CFAP65: variants seen among roughly 807,000 people sequenced by gnomAD.
CFAP65 encodes cilia and flagella associated protein 65.
CFAP65 carries 155 observed loss-of-function variants against 208.0 expected under a neutral mutation model. That is an observed-to-expected ratio of 0.75 (90% CI 0.65 to 0.85). The LOEUF (loss-of-function observed/expected upper bound fraction) is 0.85. Ranked by LOEUF, CFAP65 falls within the 40% of genes least tolerant of loss-of-function variation. The pLI, the probability that CFAP65 is intolerant of heterozygous loss-of-function variation, is 0.00. For synonymous variants in CFAP65, 970 were observed against 986.3 expected (o/e 0.98, Z 0.31); for missense variants, 2,294 against 2,451.3 (o/e 0.94, Z 1.36).
At chr2:219,021,967 C>T in intron 17 of CFAP65, 37 bp from the exon 18 acceptor site, 1 of 1,610,040 alleles carries the variant, frequency 6.2e-7, no homozygotes, top group Non-Finnish European at 8.5e-7. Flanking sequence ...AGTGGGAGCT[C>T]CTCCAGGCCC....
chr2:219,017,272 A>G (rs909739811), intron 21 of CFAP65, among the ~76,000 whole-genome samples: 2 of 152,238 alleles, frequency 1.3e-5, no homozygotes, highest in Admixed American at 6.5e-5. Context: ...CCTTAAATGC[A>G]AGACCCTACG....
In CFAP65 at chr2:219,014,011, G is replaced by T. The variant is rs768708215; in HGVS notation, c.3636C>A (p.Asp1212Glu). The T allele has an allele frequency of 4.3e-6, 7 of 1,613,028 alleles. No homozygotes were observed. Among genetic ancestry groups the T allele is most frequent in the Non-Finnish European group, 5.1e-6 (6 of 1,179,476 alleles). ...AFLLPSDQRI[D>E]VELWAEQAEL... ...CTGCTTGCTCTGCCCAGAGCTCCAC[G>T]TCAATCCGCTGGTCACTTGGAAGGA... Residue 1212 changes from aspartate to glutamate, a missense_variant, in exon 22 of 35, where the codon GAC becomes GAA. Asp to Glu is a conservative substitution (Grantham distance 45, BLOSUM62 2). Transcript: ENST00000341552.
chr2:219,023,488 C>T (rs149831839), intron 15 of CFAP65, 57 bp from the exon 16 acceptor site: 3 of 1,277,242 alleles, frequency 2.3e-6, no homozygotes, highest in African/African-American at 3.0e-5. Flanking sequence ...CCCAGCCCCC[C>T]ACAACATGTC....
intron 16 of CFAP65, 45 bp from the exon 17 acceptor site, chr2:219,022,374 T>G (rs1947325117): frequency 6.4e-7 from 1 of 1,562,436 alleles, no homozygotes; most frequent in East Asian, 2.4e-5. Context: ...CGGAAGCCCC[T>G]CCACAGGTAC....
At chr2:219,019,783 C>T in intron 19 of CFAP65, 64 bp from the exon 20 acceptor site, 4 of 1,422,592 alleles carry the variant, frequency 2.8e-6, no homozygotes, top group Non-Finnish European at 2.9e-6. Context: ...AGGGGGCATG[C>T]AGGCCAAAGG....
rs1559114274 is a variant in CFAP65 at position 219,006,179 on chromosome 2, G to A, written c.4764C>T (p.Ala1588=). The A allele has an allele frequency of 1.2e-6, 2 of 1,611,596 alleles. No individual in the cohort carries two copies. Among genetic ancestry groups the A allele is most frequent in the Non-Finnish European group, 1.7e-6 (2 of 1,178,204 alleles). The change falls in exon 31 of 35, where the codon GCC becomes GCT. Residue 1588 remains alanine, a synonymous_variant. Coordinates refer to ENST00000341552, the MANE Select transcript of CFAP65 (RefSeq NM_194302.4). ...IKNQQSVSRP[A]SWKLQTPKEE... ...CCTTTGGGGTCTGCAGTTTCCAGCTGGCAGGCCGGCTGACAGACTGCTGGT... is the reference window on the plus strand; with the variant it reads ...CCTTTGGGGTCTGCAGTTTCCAGCTAGCAGGCCGGCTGACAGACTGCTGGT...
Position 219,027,868 on chromosome 2 carries a change from C to G in CFAP65, c.1993G>C (p.Gly665Arg). 1 of 1,569,688 alleles carries G rather than the reference C, an allele frequency of 6.4e-7. No individual in the cohort carries two copies. Among genetic ancestry groups the G allele is most frequent in the African/African-American group, 1.4e-5 (1 of 74,064 alleles). The change falls in exon 13 of 35, where the codon GGG (glycine) becomes CGG (arginine). Residue 665 changes from glycine (G) to arginine (R), a missense_variant. Transcript: ENST00000341552. ...PVEVDFGACPGPEAPNPVPLC... is the reference protein window; with the variant it reads ...PVEVDFGACPRPEAPNPVPLC... ...GGTACAGGGTTGGGGGCCTCAGGCC[C>G]TGGGCAGGCACCGAAGTCTACCTCG...
chr2:219,041,438 G>T, intron 1 of CFAP65, 50 bp downstream of exon 1: 1 of 1,547,162 alleles, frequency 6.5e-7, no homozygotes, highest in East Asian at 2.4e-5. Flanking sequence ...CTGGCCACTC[G>T]CGCCGCTCCC....
At chr2:219,013,208 G>C (rs1946602431) in intron 24 of CFAP65, 51 bp downstream of exon 24, 2 of 1,235,108 alleles carry the variant, frequency 1.6e-6, no homozygotes, top group South Asian at 2.5e-5. Context: ...CTCATACCTA[G>C]AGATCAACAC....
chr2:219,008,197 T>C (rs60792904), intron 29 of CFAP65, among the ~76,000 whole-genome samples: 10,919 of 152,214 alleles, frequency 0.072, 1,299 homozygotes, highest in African/African-American at 0.25. Flanking sequence ...CAAAGAACTC[T>C]CCGTTGCCCA....
chr2:219,036,420 G>A (rs935343727), intron 4 of CFAP65, among the ~76,000 whole-genome samples: 2 of 151,746 alleles, frequency 1.3e-5, no homozygotes, highest in Admixed American at 6.6e-5. Context: ...ACTGCCATGC[G>A]CACTCAACTC....
Position 219,010,887 on chromosome 2 carries a change from AG to A in CFAP65, c.4066del (p.Leu1356SerfsTer54). On this transcript the variant is annotated frameshift_variant, in exon 25 of 35. Coordinates refer to ENST00000341552, the MANE Select transcript of CFAP65 (RefSeq NM_194302.4). LOFTEE classifies it high-confidence loss of function. ...TGGCTGGATCTCCCCTTTGGGGTTG[AG>A]GCAGCAAAAGATGGGGTGATCAAAA... ...KNFDHPIFCCLNPKGEIQPGS... is the reference protein window; with the variant it reads ...KNFDHPIFCCXNPKGEIQPGS... The A allele has an allele frequency of 1.2e-6, 2 of 1,613,818 alleles. No individual in the cohort carries two copies. Among genetic ancestry groups the A allele is most frequent in the Admixed American group, 3.3e-5 (2 of 60,028 alleles).
chr2:219,022,918 G>A (rs1163684943), intron 16 of CFAP65, among the ~76,000 whole-genome samples: 1 of 150,214 alleles, frequency 6.7e-6, no homozygotes, highest in Non-Finnish European at 1.5e-5. Context: ...GACCATGGAT[G>A]GGGAGGTGAC....
In CFAP65 at chr2:219,041,474, C is replaced by G; in HGVS notation, c.-49+14G>C. 6.4e-7 allele frequency: 1 copy of G among 1,550,544 alleles called. No individual in the cohort carries two copies. The highest frequency in any genetic ancestry group is 8.7e-7 in the Non-Finnish European group (1 of 1,146,964). The stretch of plus-strand genomic sequence containing the variant: ...TGAGACCCTGGGACCTTGGGACTAA[C>G]GCTCAGAACTTACATCGCCTCCATA... On this transcript the variant is annotated intron_variant, in intron 1 of 34. Transcript: ENST00000341552.
At chr2:219,034,336 C>T (rs147068387) in intron 5 of CFAP65, 46 of 152,148 alleles carry the variant, frequency 3.0e-4, no homozygotes, top group African/African-American at 1.0e-3. Flanking sequence ...AGTAGGAGGA[C>T]GTATACTACC....
Position 219,022,251 on chromosome 2 carries a change from G to C in CFAP65, c.2899C>G (p.Leu967Val). The change falls in exon 17 of 35, where the codon CTG (leucine) becomes GTG (valine). Residue 967 changes from leucine to valine, a missense_variant. Transcript: ENST00000341552. Reference protein sequence around the residue: ...QVGMWVWEAGLSPNANPAATT... With the variant: ...QVGMWVWEAGVSPNANPAATT... ...GCAGCGGGGTTGGCATTTGGGGACA[G>C]GCCGGCTTCCCAGACCCACATCCCC... 2 of 1,607,058 alleles carry C rather than the reference G, an allele frequency of 1.2e-6. No individual in the cohort carries two copies. Among genetic ancestry groups the C allele is most frequent in the Non-Finnish European group, 1.7e-6 (2 of 1,177,054 alleles).
intron 5 of CFAP65, chr2:219,034,888 ATGGGAACT>A (rs1948255314): frequency 1.3e-5 from 2 of 154,428 alleles, no homozygotes; most frequent in Admixed American, 1.3e-4. Context: ...ATGTGGAGGA[ATGGGAACT>A]CTCTAATGCT....
Position 219,038,370 on chromosome 2 carries a change from C to CAGG in CFAP65, c.357+4_357+5insCCT, listed in dbSNP as rs767065701. 190 of 1,611,946 alleles carry CAGG rather than the reference C, an allele frequency of 1.2e-4. No homozygotes were observed. The highest frequency in any genetic ancestry group is 1.5e-4 in the Non-Finnish European group (182 of 1,179,706). ...CTGCTCTGCCTGCCCTGGCTGTATC[C>CAGG]TTACCTGGGCGCTGATGGTGCTGCA... On this transcript the variant is annotated splice_donor_region_variant and intron_variant, in intron 4 of 34. Transcript: ENST00000341552.
In CFAP65 at chr2:219,040,560, G is replaced by A. The variant is rs1176853331; in HGVS notation, c.-44C>T. 1.9e-6 allele frequency: 3 copies of A among 1,551,058 alleles called. No individual in the cohort carries two copies. The highest frequency in any genetic ancestry group is 1.7e-6 in the Non-Finnish European group (2 of 1,146,280). ...GACGTTCAGATGAAATCAAAGAAATGTAAGCTGAGGAGACACAGAGAGAGT... is the reference window on the plus strand; with the variant it reads ...GACGTTCAGATGAAATCAAAGAAATATAAGCTGAGGAGACACAGAGAGAGT... On this transcript the variant is annotated 5_prime_UTR_variant, in exon 2 of 35. Transcript: ENST00000341552.
Sources: gnomAD v4.1 joint callset for allele counts (sites outside exome capture counted in the v4.1 genomes callset) on GRCh38, gnomAD v4.1.1 for gene constraint, MANE v1.5 for transcripts, NCBI Gene and HGNC (gene_info 2026-07-23, HGNC 2026-07-21) for gene names.